The following ZDBF2 variants were observed in gnomAD, a reference collection of about 807,000 sequenced individuals.
ZDBF2 encodes the protein zinc finger DBF-type containing 2.
In ZDBF2, 6 loss-of-function variants were observed where a neutral mutation model predicts 9.4. The observed-to-expected ratio is 0.64, with a 90% confidence interval of 0.35 to 1.27. The LOEUF is 1.27. Among genes scored for constraint, ZDBF2 ranks in the 50% most tolerant of loss-of-function variants. ZDBF2 has a pLI of 0.03. For synonymous variants in ZDBF2, 905 were observed against 946.3 expected, an observed-to-expected ratio of 0.96 and a Z score of 0.80; for missense variants, 2,697 against 2,766.8, an observed-to-expected ratio of 0.97 and a Z score of 0.57.
In ZDBF2 at chr2:206,311,241, A is replaced by G; in HGVS notation, c.6713A>G (p.Tyr2238Cys). 1 of 1,611,740 alleles carries G rather than the reference A, an allele frequency of 6.2e-7. No individual in the cohort carries two copies. Among genetic ancestry groups the G allele is most frequent in the Admixed American group, 1.7e-5 (1 of 59,596 alleles). ...SKYSVFLRHR[Y>C]QSRSAFLGRY... ...TACTCTGTCTTTTTACGTCATAGAT[A>G]TCAGTCCAGGAGCGCTTTTCTTGGA... Residue 2238 changes from tyrosine to cysteine, a missense_variant, in exon 5 of 5, where the codon TAT becomes TGT. By Grantham distance (194) the Tyr-to-Cys change is radical (BLOSUM62 -2). Transcript: ENST00000374423.
chr2:206,278,072 A>G (rs908901603), intron 1 of ZDBF2, among the ~76,000 whole-genome samples: 1 of 152,190 alleles, frequency 6.6e-6, no homozygotes, highest in East Asian at 1.9e-4. Context: ...GGGTGGCTAT[A>G]GAATAGAATG....
intron 1 of ZDBF2, among the ~76,000 whole-genome samples, chr2:206,275,373 C>A (rs1690935976): frequency 6.6e-6 from 1 of 152,198 alleles, no homozygotes; most frequent in Non-Finnish European, 1.5e-5. Flanking sequence ...CCCCCTTCCC[C>A]CAGTGCCCTG....
rs1401632886 is a variant in ZDBF2, at chr2:206,311,812, TAGA to T, written c.*224_*226del. On this transcript the variant is annotated 3_prime_UTR_variant, in exon 5 of 5. Coordinates refer to ENST00000374423, the MANE Select transcript of ZDBF2 (RefSeq NM_020923.3). Reference sequence around the variant, plus strand: ...AACAGCCTTTGTCCAACATTTTCTGTAGAAGAACTTCATCTTAATTTATGTCAC... The same window carrying T: ...AACAGCCTTTGTCCAACATTTTCTGTAGAACTTCATCTTAATTTATGTCAC... The T allele has an allele frequency of 6.2e-5, 22 of 356,886 alleles. No individual in the cohort carries two copies. The highest frequency in any genetic ancestry group is 1.6e-3 in the Middle Eastern group (2 of 1,216). The allele number at this position is 356,886 out of a possible 1,614,324, so 22.1% of individuals were successfully genotyped here.
At chr2:206,290,493 T>G (rs1408179497) in intron 3 of ZDBF2, among the ~76,000 whole-genome samples, 1 of 152,230 alleles carries the variant, frequency 6.6e-6, no homozygotes, top group Non-Finnish European at 1.5e-5. Context: ...GAGGTATGTA[T>G]TTCCATTTAC....
At position 206,305,997 on chromosome 2, in the gene ZDBF2, G is replaced by A. The variant is rs1189350493; in HGVS notation, c.1469G>A (p.Ser490Asn). The A allele has an allele frequency of 6.2e-7, 1 of 1,613,300 alleles. No individual in the cohort carries two copies. The highest frequency in any genetic ancestry group is 8.5e-7 in the Non-Finnish European group (1 of 1,179,534). Reference sequence around the variant, plus strand: ...CTGGTTGACCAAAGCTATGAATCTAGTAGTTCTGAAACGAATTTTGATTGT... The same window carrying A: ...CTGGTTGACCAAAGCTATGAATCTAATAGTTCTGAAACGAATTTTGATTGT... ...ISLVDQSYES[S>N]SSETNFDCDA... The change falls in exon 5 of 5, where the codon AGT (serine) becomes AAT (asparagine). Residue 490 changes from serine to asparagine, a missense_variant. Ser to Asn is a conservative substitution (Grantham distance 46). Around this residue, in one of 3 missense-constraint regions of ZDBF2, gnomAD observed 910 missense variants for 973.6 expected, o/e 0.93. Coordinates refer to ENST00000374423, the MANE Select transcript of ZDBF2 (RefSeq NM_020923.3).
chr2:206,296,307 A>G (rs1280349249), intron 3 of ZDBF2, among the ~76,000 whole-genome samples: 1 of 152,238 alleles, frequency 6.6e-6, no homozygotes, highest in Admixed American at 6.5e-5. Flanking sequence ...CACTCAGGAC[A>G]TGAATCATCC....
intron 3 of ZDBF2, among the ~76,000 whole-genome samples, chr2:206,295,845 A>G (rs1692146326): frequency 1.3e-5 from 2 of 152,140 alleles, no homozygotes; most frequent in African/African-American, 4.8e-5. Context: ...ACTCCACTAA[A>G]TAATATTAGT....
chr2:206,309,263 G>A lies in ZDBF2; in HGVS notation c.4735G>A (p.Gly1579Ser). 1 of 1,609,964 alleles carries A rather than the reference G, an allele frequency of 6.2e-7. No homozygotes were observed. The highest frequency in any genetic ancestry group is 8.5e-7 in the Non-Finnish European group (1 of 1,178,066). ...AGAAGATAAGAGCTGTGACTTTTTT[G>A]GTTCTGAAGTCAGATGTAATTGTAA... is the stretch of plus-strand genomic sequence containing the variant. Reference protein sequence around the residue: ...DIEDKSCDFFGSEVRCNCKAS... With the variant: ...DIEDKSCDFFSSEVRCNCKAS... The change falls in exon 5 of 5, where the codon GGT (glycine) becomes AGT (serine). Residue 1579 changes from glycine (G) to serine (S), a missense_variant. Gly to Ser is a moderately conservative substitution (Grantham distance 56). Around this residue, in one of 3 missense-constraint regions of ZDBF2, gnomAD observed 1,783 missense variants for 1,776.5 expected, o/e 1.00. Coordinates refer to ENST00000374423, the MANE Select transcript of ZDBF2 (RefSeq NM_020923.3).
In ZDBF2 at chr2:206,311,269, G is replaced by T; in HGVS notation, c.6741G>T (p.Arg2247Ser). The T allele has an allele frequency of 6.2e-7, 1 of 1,610,012 alleles. No homozygotes were observed. Among genetic ancestry groups the T allele is most frequent in the South Asian group, 1.1e-5 (1 of 90,428 alleles). ...RYQSRSAFLGRYLKKKKSVVS... is the reference protein window; with the variant it reads ...RYQSRSAFLGSYLKKKKSVVS... Reference sequence around the variant, plus strand: ...AGTCCAGGAGCGCTTTTCTTGGAAGGTATCTGAAGAAGAAAAAATCTGTTG... The same window carrying T: ...AGTCCAGGAGCGCTTTTCTTGGAAGTTATCTGAAGAAGAAAAAATCTGTTG... Residue 2247 changes from arginine (R) to serine (S), a missense_variant, in exon 5 of 5, where the codon AGG becomes AGT. This residue lies in a region of ZDBF2 where 1,783 missense variants were observed against 1,776.5 expected (regional missense o/e 1.00). Coordinates refer to ENST00000374423, the MANE Select transcript of ZDBF2 (RefSeq NM_020923.3).
chr2:206,305,450 G>A lies in ZDBF2; in HGVS notation c.922G>A (p.Val308Ile). The change falls in exon 5 of 5, where the codon GTA becomes ATA. Residue 308 changes from valine (V) to isoleucine (I), a missense_variant. Around this residue, in one of 3 missense-constraint regions of ZDBF2, gnomAD observed 910 missense variants for 973.6 expected, o/e 0.93. Transcript: ENST00000374423. ...LRVKSPSKLA[V>I]NPNKTDMPSN... Reference sequence around the variant, plus strand: ...AGTTAAATCTCCTTCCAAATTAGCAGTAAACCCGAATAAAACTGACATGCC... The same window carrying A: ...AGTTAAATCTCCTTCCAAATTAGCAATAAACCCGAATAAAACTGACATGCC... 2 of 1,613,154 alleles carry A rather than the reference G, an allele frequency of 1.2e-6. No individual in the cohort carries two copies. Among genetic ancestry groups the A allele is most frequent in the Non-Finnish European group, 1.7e-6 (2 of 1,179,714 alleles).
In ZDBF2 at chr2:206,309,516, C is replaced by T. The variant is rs778008417; in HGVS notation, c.4988C>T (p.Ser1663Phe). 3 of 1,613,862 alleles carry T rather than the reference C, an allele frequency of 1.9e-6. No individual in the cohort carries two copies. The highest frequency in any genetic ancestry group is 2.2e-5 in the South Asian group (2 of 91,070). Reference sequence around the variant, plus strand: ...GATAAGAGCTGTGGATATAATGGTTCTAAAGGAAAATTTAATTTGGAAGAC... The same window carrying T: ...GATAAGAGCTGTGGATATAATGGTTTTAAAGGAAAATTTAATTTGGAAGAC... ...SEDKSCGYNG[S>F]KGKFNLEDTS... The change falls in exon 5 of 5, where the codon TCT becomes TTT. Residue 1663 changes from serine (S) to phenylalanine (F), a missense_variant. Around this residue, in one of 3 missense-constraint regions of ZDBF2, gnomAD observed 1,783 missense variants for 1,776.5 expected, o/e 1.00. Coordinates refer to ENST00000374423, the MANE Select transcript of ZDBF2 (RefSeq NM_020923.3).
At chr2:206,292,336 G>A (rs1181287372) in intron 3 of ZDBF2, among the ~76,000 whole-genome samples, 1 of 152,114 alleles carries the variant, frequency 6.6e-6, no homozygotes, top group Non-Finnish European at 1.5e-5. Flanking sequence ...ACTAACTACA[G>A]AGTTAACAGA....
At chr2:206,292,810 T>A (rs1273548867) in intron 3 of ZDBF2, among the ~76,000 whole-genome samples, 1 of 152,020 alleles carries the variant, frequency 6.6e-6, no homozygotes, top group Non-Finnish European at 1.5e-5. Context: ...AAATGTAAGA[T>A]CTTTAAACTA....
At chr2:206,275,510 GGTC>G (rs1363546817) in intron 1 of ZDBF2, among the ~76,000 whole-genome samples, 2 of 152,130 alleles carry the variant, frequency 1.3e-5, no homozygotes, top group African/African-American at 2.4e-5. Context: ...GTGTAAATGT[GGTC>G]GTGTTACGCC....
intron 3 of ZDBF2, among the ~76,000 whole-genome samples, chr2:206,286,575 AT>A (rs1691611917): frequency 2.6e-5 from 4 of 151,536 alleles, no homozygotes; most frequent in Admixed American, 2.6e-4. Context: ...AAAAAAAAAA[AT>A]AAAAGAGATG....
chr2:206,309,894 C>A lies in ZDBF2; in HGVS notation c.5366C>A (p.Ser1789Ter). 1 of 1,613,926 alleles carries A rather than the reference C, an allele frequency of 6.2e-7. No individual in the cohort carries two copies. The highest frequency in any genetic ancestry group is 1.1e-5 in the South Asian group (1 of 91,042). The change falls in exon 5 of 5, where the codon TCA becomes TAA. Residue 1789 changes from serine to a stop codon, truncating the protein, a stop_gained. Coordinates refer to ENST00000374423, the MANE Select transcript of ZDBF2 (RefSeq NM_020923.3). LOFTEE classifies it low-confidence loss of function (END_TRUNC). The part of the protein sequence containing the change: ...DLKEKNHDSQ[S>*]SSVLKVDSVR... ...AAAGAAAAGAACCATGATTCCCAGT[C>A]AAGCTCTGTTCTCAAGGTTGATTCT...
Position 206,306,393 on chromosome 2 carries a change from C to G in ZDBF2, c.1865C>G (p.Ala622Gly). The G allele has an allele frequency of 6.2e-7, 1 of 1,613,794 alleles. No homozygotes were observed. The highest frequency in any genetic ancestry group is 8.5e-7 in the Non-Finnish European group (1 of 1,179,812). Residue 622 changes from alanine (A) to glycine (G), a missense_variant, in exon 5 of 5, where the codon GCT (alanine) becomes GGT (glycine). Physicochemically the swap from Ala to Gly is moderately conservative, Grantham distance 60. Around this residue, in one of 3 missense-constraint regions of ZDBF2, gnomAD observed 910 missense variants for 973.6 expected, o/e 0.93. Transcript: ENST00000374423. ...CATAAGAAGCGTAAACCCAGTAGTG[C>G]TAAAGCACATCTTGATTGTGATGTC... ...LKHKKRKPSS[A>G]KAHLDCDVSL...
chr2:206,304,212 C>T (rs1692646077), intron 4 of ZDBF2, among the ~76,000 whole-genome samples: 1 of 152,124 alleles, frequency 6.6e-6, no homozygotes, highest in Admixed American at 6.5e-5. Context: ...TGCCTTTGTC[C>T]TTACACCCGC....
chr2:206,291,185 GT>G (rs751361429), intron 3 of ZDBF2, among the ~76,000 whole-genome samples: 5 of 152,178 alleles, frequency 3.3e-5, no homozygotes, highest in Non-Finnish European at 7.4e-5. Context: ...CCAGGGACTG[GT>G]TTCGTGGAAG....
Sources: gnomAD v4.1 joint callset for allele counts (sites outside exome capture counted in the v4.1 genomes callset) on GRCh38, gnomAD v4.1.1 for gene constraint, gnomAD v4.1.1 regional missense constraint, MANE v1.5 for transcripts, NCBI Gene and HGNC (gene_info 2026-07-23, HGNC 2026-07-21) for gene names.